KHDRBS2: variants seen among roughly 807,000 people sequenced by gnomAD.
KHDRBS2 encodes the protein KH RNA binding domain containing, signal transduction associated 2.
In KHDRBS2, 26 loss-of-function variants were observed where a neutral mutation model predicts 44.3. The observed-to-expected ratio is 0.59, with a 90% CI of 0.43 to 0.81. The LOEUF (loss-of-function observed/expected upper bound fraction) is 0.81, where lower values mean the gene tolerates loss of function less well. KHDRBS2 is among the 40% of genes least tolerant of loss of function. The pLI is 0.00. For synonymous variants in KHDRBS2, 194 were observed against 151.1 expected (o/e 1.28, Z -2.08); for missense variants, 476 against 433.1 (o/e 1.10, Z -0.88).
In KHDRBS2 at chr6:62,169,059, A is replaced by ATATATATATATATATATATATATG. The variant is rs1338584117; in HGVS notation, c.219+8125_219+8126insCATATATATATATATATATATATA. Among the ~76,000 whole-genome samples, 30 of 139,612 alleles carry ATATATATATATATATATATATATG rather than the reference A, an allele frequency of 2.1e-4. 1 individual carries two copies. The highest frequency in any genetic ancestry group is 6.8e-4 in the South Asian group (3 of 4,430). The allele number at this position is 139,612 out of a possible 152,430, so 91.6% of individuals were successfully genotyped here. A position where few individuals can be genotyped will look rare whatever the true frequency, so the allele number is the denominator to read the frequency against. The stretch of plus-strand genomic sequence containing the variant: ...CATATATATATATATATATATATAT[A>ATATATATATATATATATATATATG]TATGTATACATGAATATAAATATAT... On this transcript the variant is annotated intron_variant, in intron 2 of 8. Transcript: ENST00000281156.
chr6:61,599,743 A>G, the KHDRBS2 span, among the ~76,000 whole-genome samples: 4 of 152,300 alleles, frequency 2.6e-5, no homozygotes, highest in Middle Eastern at 3.4e-3. Context: ...GTGAGAACTT[A>G]GCCCATTCAG....
chr6:61,597,755 TATACATATATATATATATA>T, the KHDRBS2 span, among the ~76,000 whole-genome samples: 1 of 54,394 alleles, frequency 1.8e-5, no homozygotes, highest in Non-Finnish European at 3.5e-5. Flanking sequence ...TATATATATA[TATACATATATATATATATA>T]CACCAAGATT....
the KHDRBS2 span, among the ~76,000 whole-genome samples, chr6:61,637,021 C>G: frequency 6.6e-6 from 1 of 151,710 alleles, no homozygotes; most frequent in African/African-American, 2.4e-5. Context: ...TCAACATATA[C>G]TTTTTTCTTT....
chr6:61,673,027 G>C, the KHDRBS2 span, among the ~76,000 whole-genome samples: 1 of 151,680 alleles, frequency 6.6e-6, no homozygotes, highest in Non-Finnish European at 1.5e-5. Flanking sequence ...TTTTGTATAA[G>C]GTGTAAGGAA....
chr6:62,074,610 T>C (rs1234157309), intron 2 of KHDRBS2, among the ~76,000 whole-genome samples: 2 of 151,922 alleles, frequency 1.3e-5, no homozygotes, highest in Non-Finnish European at 2.9e-5. Context: ...TTGAGATGAA[T>C]GTTTAACTAG....
the KHDRBS2 span, among the ~76,000 whole-genome samples, chr6:61,566,424 T>A: frequency 2.4e-4 from 37 of 152,332 alleles, no homozygotes; most frequent in Admixed American, 4.6e-4. Flanking sequence ...AAATGATTAA[T>A]GTTTAAAGTA....
At chr6:62,166,781 T>A (rs191858164) in intron 2 of KHDRBS2, among the ~76,000 whole-genome samples, 1 of 152,162 alleles carries the variant, frequency 6.6e-6, no homozygotes, top group East Asian at 1.9e-4. Flanking sequence ...TGATATTTCT[T>A]TTCTGATCTC....
At chr6:62,276,053 C>G (rs186013173) in intron 1 of KHDRBS2, among the ~76,000 whole-genome samples, 3 of 152,172 alleles carry the variant, frequency 2.0e-5, no homozygotes, top group Non-Finnish European at 4.4e-5. Flanking sequence ...GAGTTGCAGT[C>G]AGGGCTCATC....
In KHDRBS2 at chr6:62,094,676, T is replaced by C. The variant is rs59617553; in HGVS notation, c.220-46682A>G. Among the ~76,000 whole-genome samples the C allele has an allele frequency of 3.8e-3, 583 of 152,078 alleles. 2 individuals are homozygous for C. The highest frequency in any genetic ancestry group is 0.014 in the African/African-American group (565 of 41,550). ...GAGCTTTCCCCCTACTTTCTCCTAG[T>C]ACTTTTGTAGTTTCAGTTCTTATAT... is the stretch of plus-strand genomic sequence containing the variant. On this transcript the variant is annotated intron_variant, in intron 2 of 8. Coordinates refer to ENST00000281156, the MANE Select transcript of KHDRBS2 (RefSeq NM_152688.4).
chr6:62,253,531 A>G (rs1312767030), intron 1 of KHDRBS2, among the ~76,000 whole-genome samples: 6 of 151,900 alleles, frequency 3.9e-5, no homozygotes, highest in Non-Finnish European at 7.4e-5. Context: ...TATCTTAGCT[A>G]AAATGCAAGT....
the KHDRBS2 span, among the ~76,000 whole-genome samples, chr6:61,670,644 G>A: frequency 0.41 from 61,658 of 151,008 alleles, 12,985 homozygotes; most frequent in Middle Eastern, 0.51. Flanking sequence ...TGTAAATTCC[G>A]TAAATAAGTG....
chr6:61,961,986 A>ATATG (rs1768846741), intron 4 of KHDRBS2, among the ~76,000 whole-genome samples: 1 of 151,678 alleles, frequency 6.6e-6, no homozygotes, highest in African/African-American at 2.4e-5. Context: ...AGATATATAT[A>ATATG]TATACACATA....
At chr6:61,848,469 T>TTTTA (rs1251761353) in intron 6 of KHDRBS2, among the ~76,000 whole-genome samples, 2 of 73,700 alleles carry the variant, frequency 2.7e-5, no homozygotes, top group African/African-American at 1.3e-4. Context: ...AATGGAGGTT[T>TTTTA]TATATATATA....
rs148652328 is a variant in KHDRBS2 at position 62,113,469 on chromosome 6, T to C, written c.219+63716A>G. ...AGGTATTTAGGCTTAATATATGAGG[T>C]ACAGAAAAATAAAAAATATTGCTTT... On this transcript the variant is annotated intron_variant, in intron 2 of 8. Coordinates refer to ENST00000281156, the MANE Select transcript of KHDRBS2 (RefSeq NM_152688.4). 8.0e-3 allele frequency among the ~76,000 whole-genome samples: 1,223 copies of C among 152,206 alleles called. 12 individuals are homozygous for C. Among genetic ancestry groups the C allele is most frequent in the African/African-American group, 0.028 (1,147 of 41,546 alleles).
At chr6:61,750,165 T>C (rs2127568235) in intron 6 of KHDRBS2, among the ~76,000 whole-genome samples, 1 of 152,250 alleles carries the variant, frequency 6.6e-6, no homozygotes, top group South Asian at 2.1e-4. Flanking sequence ...ATCTTAAATA[T>C]AGAAAGAAGA....
At chr6:62,076,249 G>C (rs1274619736) in intron 2 of KHDRBS2, among the ~76,000 whole-genome samples, 1 of 151,950 alleles carries the variant, frequency 6.6e-6, no homozygotes, top group African/African-American at 2.4e-5. Flanking sequence ...TTCTCACTCA[G>C]GTTGTGCCAG....
intron 2 of KHDRBS2, among the ~76,000 whole-genome samples, chr6:62,072,569 A>T (rs1562790820): frequency 6.6e-6 from 1 of 152,104 alleles, no homozygotes; most frequent in Non-Finnish European, 1.5e-5. Flanking sequence ...GAATTTTGTC[A>T]ATGGCCTTTT....
intron 7 of KHDRBS2, among the ~76,000 whole-genome samples, chr6:61,705,252 C>G (rs1412349261): frequency 6.6e-6 from 1 of 151,774 alleles, no homozygotes; most frequent in Non-Finnish European, 1.5e-5. Flanking sequence ...CGACTCCCTA[C>G]CCCTCTACCA....
chr6:62,243,277 T>A (rs1005234589), intron 1 of KHDRBS2, among the ~76,000 whole-genome samples: 1 of 152,144 alleles, frequency 6.6e-6, no homozygotes, highest in Admixed American at 6.6e-5. Flanking sequence ...CAGTAAACAC[T>A]GAGTTTCTAT....
Sources: gnomAD v4.1 joint callset for allele counts (sites outside exome capture counted in the v4.1 genomes callset) on GRCh38, gnomAD v4.1.1 for gene constraint, MANE v1.5 for transcripts, NCBI Gene and HGNC (gene_info 2026-07-23, HGNC 2026-07-21) for gene names.